The following PPM1E variants were observed in gnomAD, a reference collection of about 807,000 sequenced individuals.
PPM1E encodes the protein protein phosphatase, Mg2+/Mn2+ dependent 1E.
Under a neutral mutation model 65.9 loss-of-function variants are expected in PPM1E, and 20 were observed. The ratio of observed to expected loss-of-function variants is 0.30; its 90% CI spans 0.21 to 0.44. The LOEUF (loss-of-function observed/expected upper bound fraction) is 0.44, where lower values mean the gene tolerates loss of function less well. PPM1E is among the 20% of genes least tolerant of loss of function. PPM1E has a pLI of 1.00. For missense variants in PPM1E, 713 were observed against 953.1 expected (o/e 0.75, Z 3.32); for synonymous variants, 352 against 374.9 (o/e 0.94, Z 0.70).
intron 1 of PPM1E, among the ~76,000 whole-genome samples, chr17:58,943,958 C>T (rs1005697096): frequency 5.9e-5 from 9 of 152,122 alleles, no homozygotes; most frequent in Admixed American, 1.3e-4. Context: ...TGGGAATACC[C>T]GTCGTTTCCT....
intron 1 of PPM1E, among the ~76,000 whole-genome samples, chr17:58,946,841 AT>A (rs144494696): frequency 0.018 from 2,741 of 151,938 alleles, 40 homozygotes; most frequent in Non-Finnish European, 0.03. Context: ...CCAATTTAAT[AT>A]TTTTTTTCTT....
At chr17:58,876,875 C>T (rs986883901) in intron 1 of PPM1E, among the ~76,000 whole-genome samples, 8 of 152,256 alleles carry the variant, frequency 5.3e-5, no homozygotes, top group African/African-American at 1.7e-4. Flanking sequence ...GCTCCGCCTC[C>T]CGGTTTGGGG....
intron 1 of PPM1E, among the ~76,000 whole-genome samples, chr17:58,805,961 C>CAAA (rs71367632): frequency 1.3e-4 from 9 of 69,834 alleles, no homozygotes; most frequent in South Asian, 4.5e-4. Flanking sequence ...AAAAAAAAAA[C>CAAA]AAAAAAAAAA....
chr17:58,819,096 CTG>C (rs1285275884), intron 1 of PPM1E, among the ~76,000 whole-genome samples: 1 of 152,094 alleles, frequency 6.6e-6, no homozygotes, highest in East Asian at 1.9e-4. Context: ...AAAATTGTAA[CTG>C]TTATTATGGT....
chr17:58,783,413 T>A (rs995307775), intron 1 of PPM1E, among the ~76,000 whole-genome samples: 3 of 152,198 alleles, frequency 2.0e-5, no homozygotes, highest in Non-Finnish European at 4.4e-5. Context: ...TAATTGTGAA[T>A]CAGCCATAAG....
At chr17:58,793,947 G>T (rs1567835518) in intron 1 of PPM1E, among the ~76,000 whole-genome samples, 2 of 151,504 alleles carry the variant, frequency 1.3e-5, no homozygotes, top group South Asian at 4.2e-4. Context: ...GGGTTCAAAC[G>T]ATTTTCGCAT....
At chr17:58,956,781 GGTTT>G (rs2029882556) in intron 2 of PPM1E, among the ~76,000 whole-genome samples, 1 of 152,046 alleles carries the variant, frequency 6.6e-6, no homozygotes, top group South Asian at 2.1e-4. Context: ...TATTTCATAC[GGTTT>G]GTTCTATTTA....
intron 6 of PPM1E, among the ~76,000 whole-genome samples, chr17:58,977,440 CAAAA>C (rs1282159101): frequency 4.8e-5 from 3 of 62,118 alleles, no homozygotes; most frequent in Non-Finnish European, 3.4e-5. Flanking sequence ...GACTCTGTCT[CAAAA>C]AAAAAAAAAA....
intron 1 of PPM1E, among the ~76,000 whole-genome samples, chr17:58,879,005 T>G (rs1181394938): frequency 6.6e-6 from 1 of 152,094 alleles, no homozygotes; most frequent in African/African-American, 2.4e-5. Context: ...TTATTTTTCC[T>G]CCTTTTGTCA....
chr17:58,886,647 A>G (rs577082247), intron 1 of PPM1E, among the ~76,000 whole-genome samples: 45 of 152,336 alleles, frequency 3.0e-4, no homozygotes, highest in African/African-American at 8.9e-4. Flanking sequence ...CTTCTCTGAC[A>G]TACAAGAAAG....
intron 2 of PPM1E, among the ~76,000 whole-genome samples, chr17:58,961,871 C>T (rs376773329): frequency 6.6e-6 from 1 of 152,268 alleles, no homozygotes. Context: ...TGGCTATTCA[C>T]AGGAGCTATC....
chr17:58,778,972 G>A (rs2050025443), intron 1 of PPM1E, among the ~76,000 whole-genome samples: 1 of 113,806 alleles, frequency 8.8e-6, no homozygotes, highest in Non-Finnish European at 1.9e-5. Flanking sequence ...GTAGTATTGT[G>A]CCCTGCTTTT....
intron 1 of PPM1E, among the ~76,000 whole-genome samples, chr17:58,920,789 A>G (rs557111491): frequency 1.7e-4 from 26 of 152,350 alleles, no homozygotes; most frequent in Non-Finnish European, 2.9e-4. Context: ...GGGAGTCATC[A>G]GCATATAGAT....
chr17:58,977,677 GT>G (rs1567898519), intron 6 of PPM1E, among the ~76,000 whole-genome samples: 1 of 152,178 alleles, frequency 6.6e-6, no homozygotes, highest in African/African-American at 2.4e-5. Context: ...TTCTAGCAGA[GT>G]TATCCATAGG....
chr17:58,810,868 T>C (rs1388722704), intron 1 of PPM1E, among the ~76,000 whole-genome samples: 1 of 152,016 alleles, frequency 6.6e-6, no homozygotes, highest in Non-Finnish European at 1.5e-5. Context: ...TGTTCTTTTC[T>C]TTTTTTTGAG....
Position 58,965,798 on chromosome 17 carries a change from T to A in PPM1E, c.688T>A (p.Tyr230Asn). Residue 230 changes from tyrosine to asparagine, a missense_variant, in exon 3 of 7, where the codon TAT becomes AAT. Transcript: ENST00000308249. ...FPLRRRPQLY[Y>N]ETSIHAIKNM... ...CCTCCGCAGGAGACCCCAGCTTTATTATGAGACATCAATCCATGCCATCAA... is the reference window on the plus strand; with the variant it reads ...CCTCCGCAGGAGACCCCAGCTTTATAATGAGACATCAATCCATGCCATCAA... 6.2e-7 allele frequency: 1 copy of A among 1,614,126 alleles called. No individual in the cohort carries two copies. The highest frequency in any genetic ancestry group is 8.5e-7 in the Non-Finnish European group (1 of 1,180,008).
intron 1 of PPM1E, among the ~76,000 whole-genome samples, chr17:58,829,720 T>C (rs977897909): frequency 2.6e-5 from 4 of 152,174 alleles, no homozygotes; most frequent in African/African-American, 9.7e-5. Context: ...CCTTTACTAG[T>C]CTTTTTATAA....
intron 1 of PPM1E, among the ~76,000 whole-genome samples, chr17:58,769,079 A>G (rs1281978944): frequency 6.6e-6 from 1 of 152,194 alleles, no homozygotes; most frequent in Non-Finnish European, 1.5e-5. Context: ...CAAAAATTAA[A>G]AAAAAATGCA....
At chr17:58,955,252 C>T (rs1470820162) in intron 1 of PPM1E, among the ~76,000 whole-genome samples, 1 of 152,130 alleles carries the variant, frequency 6.6e-6, no homozygotes, top group African/African-American at 2.4e-5. Flanking sequence ...GTAGTCCCAG[C>T]TGCTTGAAAG....
Sources: gnomAD v4.1 joint callset for allele counts (sites outside exome capture counted in the v4.1 genomes callset) on GRCh38, gnomAD v4.1.1 for gene constraint, MANE v1.5 for transcripts, NCBI Gene and HGNC (gene_info 2026-07-23, HGNC 2026-07-21) for gene names.